Variants in SNX29 observed in about 807,000 individuals in gnomAD.
SNX29 encodes the protein sorting nexin-29.
Under a neutral mutation model 102.1 loss-of-function variants are expected in SNX29, and 78 were observed. That is an observed-to-expected ratio of 0.76 (90% CI 0.64 to 0.92). The LOEUF is 0.92. Among genes scored for constraint, SNX29 ranks in the 40% least tolerant of loss-of-function variants. The pLI, the probability that SNX29 is intolerant of heterozygous loss-of-function variation, is 0.00. For missense variants in SNX29, 1,280 were observed against 1,061.7 expected, an observed-to-expected ratio of 1.21 and a Z score of -2.86; for synonymous variants, 580 against 414.5, an observed-to-expected ratio of 1.40 and a Z score of -4.85.
intron 13 of SNX29, among the ~76,000 whole-genome samples, chr16:12,176,929 G>A: frequency 6.6e-6 from 1 of 151,620 alleles, no homozygotes; most frequent in South Asian, 2.1e-4. Context: ...GGGTCGGGCT[G>A]TTCAGGGTTT....
chr16:12,213,558 G>A (rs184784130), intron 14 of SNX29, among the ~76,000 whole-genome samples: 2 of 152,240 alleles, frequency 1.3e-5, no homozygotes, highest in East Asian at 3.8e-4. Context: ...ACGCAAAGTA[G>A]CAGGCAGTGG....
At chr16:12,254,545 G>T (rs1267879088) in intron 14 of SNX29, among the ~76,000 whole-genome samples, 2 of 152,090 alleles carry the variant, frequency 1.3e-5, no homozygotes, top group Non-Finnish European at 2.9e-5. Context: ...GGAGGCTAAG[G>T]CAGGAGAATC....
At chr16:12,383,561 C>G (rs949368517) in intron 16 of SNX29, among the ~76,000 whole-genome samples, 14 of 151,824 alleles carry the variant, frequency 9.2e-5, no homozygotes, top group African/African-American at 3.1e-4. Flanking sequence ...CTCAGCCTCC[C>G]GAGTAGCTGG....
intron 9 of SNX29, among the ~76,000 whole-genome samples, chr16:12,065,277 C>G (rs1438583166): frequency 6.6e-6 from 1 of 152,154 alleles, no homozygotes; most frequent in East Asian, 1.9e-4. Context: ...TATGTGGTGT[C>G]TATACCTGAG....
intron 18 of SNX29, among the ~76,000 whole-genome samples, chr16:12,412,143 C>G (rs768939299): frequency 6.6e-6 from 1 of 152,208 alleles, no homozygotes; most frequent in Non-Finnish European, 1.5e-5. Flanking sequence ...AGCCGGCCAT[C>G]GGGTAGGACG....
intron 20 of SNX29, among the ~76,000 whole-genome samples, chr16:12,547,336 C>T (rs186297753): frequency 1.3e-5 from 2 of 152,262 alleles, no homozygotes; most frequent in East Asian, 1.9e-4. Context: ...GGCCTTGCAG[C>T]CAAGGGAACT....
intron 14 of SNX29, among the ~76,000 whole-genome samples, chr16:12,277,564 A>G (rs1015765577): frequency 2.6e-5 from 4 of 152,180 alleles, no homozygotes; most frequent in Admixed American, 2.6e-4. Context: ...CATTTTAAAA[A>G]TACAGCTTAT....
At chr16:12,456,454 A>AG (rs1447875446) in intron 18 of SNX29, among the ~76,000 whole-genome samples, 1 of 152,130 alleles carries the variant, frequency 6.6e-6, no homozygotes, top group Non-Finnish European at 1.5e-5. Context: ...GAATGATGGT[A>AG]GAGGATAGTT....
chr16:12,155,671 T>A (rs562170802), intron 13 of SNX29, among the ~76,000 whole-genome samples: 1 of 152,112 alleles, frequency 6.6e-6, no homozygotes, highest in African/African-American at 2.4e-5. Context: ...GGTGGTGGCA[T>A]GCCGAGATGG....
At chr16:12,490,107 T>C (rs116371649) in intron 19 of SNX29, among the ~76,000 whole-genome samples, 1,670 of 152,202 alleles carry the variant, frequency 0.011, 32 homozygotes, top group African/African-American at 0.039. Context: ...CGCCAGGGCT[T>C]TTTTGGCTGT....
At position 12,571,124 on chromosome 16, in the gene SNX29, G is replaced by A. The variant is rs969781654; in HGVS notation, c.*2495G>A. 7 of 232,446 alleles carry A rather than the reference G, an allele frequency of 3.0e-5. No homozygotes were observed. The highest frequency in any genetic ancestry group is 5.1e-5 in the Non-Finnish European group (6 of 117,602). 14.4% of individuals were successfully genotyped at this position (232,446 alleles called of 1,614,324 possible). A position where few individuals can be genotyped will look rare whatever the true frequency, so the allele number is the denominator to read the frequency against. On this transcript the variant is annotated 3_prime_UTR_variant, in exon 21 of 21. Transcript: ENST00000566228. ...CCTTTGGAATCCCATAGAATGTTCT[G>A]CAATGATTGGGTCCATCTTGCTGCT...
chr16:12,200,486 TC>T (rs1255258494), intron 14 of SNX29, among the ~76,000 whole-genome samples: 1 of 54,460 alleles, frequency 1.8e-5, no homozygotes, highest in African/African-American at 3.3e-5. Context: ...CATTCACGTG[TC>T]TTTTTTTTTT....
In SNX29 at chr16:12,162,931, G is replaced by T. The variant is rs59183355; in HGVS notation, c.1595+33173G>T. On this transcript the variant is annotated intron_variant, in intron 13 of 20. Transcript: ENST00000566228. ...CAGTCTCACTCTGTTGCCAAAGCTAGAGTGCAGTGGTACGCTCTTGGCTCA... is the reference window on the plus strand; with the variant it reads ...CAGTCTCACTCTGTTGCCAAAGCTATAGTGCAGTGGTACGCTCTTGGCTCA... Among the ~76,000 whole-genome samples, 1,418 of 152,154 alleles carry T rather than the reference G, an allele frequency of 9.3e-3. 24 individuals carry two copies. The highest frequency in any genetic ancestry group is 0.032 in the African/African-American group (1,342 of 41,472).
chr16:12,037,196 C>T (rs900496954), intron 4 of SNX29, among the ~76,000 whole-genome samples: 3 of 152,154 alleles, frequency 2.0e-5, no homozygotes, highest in Admixed American at 2.0e-4. Context: ...TCAGCTCTGC[C>T]ACTGGAGCAG....
At chr16:12,209,626 C>T (rs752299971) in intron 14 of SNX29, among the ~76,000 whole-genome samples, 5 of 152,134 alleles carry the variant, frequency 3.3e-5, no homozygotes, top group South Asian at 4.2e-4. Context: ...TGAAGGGATG[C>T]TCCTGGGCCA....
intron 16 of SNX29, among the ~76,000 whole-genome samples, chr16:12,397,794 C>G (rs1319397225): frequency 1.6e-4 from 25 of 152,142 alleles, no homozygotes; most frequent in Admixed American, 1.6e-3. Context: ...GGATAGGTAG[C>G]TTACTGGGGG....
At chr16:12,048,233 C>G in intron 6 of SNX29, 139 bp from the exon 7 acceptor site, 1 of 1,261,852 alleles carries the variant, frequency 7.9e-7, no homozygotes, top group South Asian at 1.2e-5. Flanking sequence ...CTGCAACGTC[C>G]GCATGGGAGG....
At chr16:12,377,868 C>A (rs1348413570) in intron 16 of SNX29, among the ~76,000 whole-genome samples, 3 of 152,178 alleles carry the variant, frequency 2.0e-5, no homozygotes, top group East Asian at 3.8e-4. Flanking sequence ...AAATAGTCCA[C>A]AATCTCTCCT....
At chr16:12,210,386 T>C (rs709422) in intron 14 of SNX29, among the ~76,000 whole-genome samples, 88,197 of 150,354 alleles carry the variant, frequency 0.59, 29,430 homozygotes, top group Non-Finnish European at 0.73. Context: ...GGAGCGCAGC[T>C]GGACGATCAT....
Sources: gnomAD v4.1 joint callset for allele counts (sites outside exome capture counted in the v4.1 genomes callset) on GRCh38, gnomAD v4.1.1 for gene constraint, MANE v1.5 for transcripts, NCBI Gene and HGNC (gene_info 2026-07-23, HGNC 2026-07-21) for gene names.